The following AMBRA1 variants were observed in gnomAD, a reference collection of about 807,000 sequenced individuals.
The protein encoded by AMBRA1 is autophagy and beclin 1 regulator 1.
In AMBRA1, 47 loss-of-function variants were observed where a neutral mutation model predicts 125.4. The ratio of observed to expected loss-of-function variants is 0.37; its 90% confidence interval spans 0.30 to 0.48. The LOEUF is 0.48. Ranked by LOEUF, AMBRA1 falls within the 20% of genes least tolerant of loss-of-function variation. The pLI, the probability that AMBRA1 is intolerant of heterozygous loss-of-function variation, is 0.99. For synonymous variants in AMBRA1, 626 were observed against 655.5 expected (o/e 0.95, Z 0.69); for missense variants, 1,331 against 1,693.4 (o/e 0.79, Z 3.76).
chr11:46,528,781 G>A (rs925018852), intron 7 of AMBRA1, among the ~76,000 whole-genome samples: 3 of 152,110 alleles, frequency 2.0e-5, no homozygotes, highest in Non-Finnish European at 2.9e-5. Context: ...ACAGACACAC[G>A]TACACGAAGA....
chr11:46,509,087 C>A (rs1301336650), intron 8 of AMBRA1, among the ~76,000 whole-genome samples: 1 of 152,184 alleles, frequency 6.6e-6, no homozygotes, highest in East Asian at 1.9e-4. Context: ...CTATTTCTTA[C>A]AATCAGAGCA....
chr11:46,542,110 C>G lies in AMBRA1; in HGVS notation c.1907G>C (p.Ser636Thr), dbSNP rs144286233. 4.3e-6 allele frequency: 7 copies of G among 1,613,892 alleles called. No homozygotes were observed. In the African/African-American group the frequency reaches 6.7e-5, roughly 15 times the overall value. Residue 636 changes from serine to threonine, a missense_variant, in exon 7 of 18, where the codon AGC becomes ACC. Ser to Thr is a moderately conservative substitution (Grantham distance 58, BLOSUM62 1). Coordinates refer to ENST00000683756, the MANE Select transcript of AMBRA1 (RefSeq NM_001387011.1). This position sits in a 1 kb window ranked among gnomAD's most constrained non-coding sequence, Gnocchi z 5.9. ...CCTCTCCTCCTGCGGACTAGCAGAG[C>G]TGCTCAACTCCAGCCTGCTGGAGCT... is the stretch of plus-strand genomic sequence containing the variant. The part of the protein sequence containing the change: ...TPSSSRLELS[S>T]SASPQEERTV...
chr11:46,533,939 C>T (rs535600658), intron 7 of AMBRA1, among the ~76,000 whole-genome samples: 4 of 151,770 alleles, frequency 2.6e-5, no homozygotes, highest in South Asian at 4.2e-4. Context: ...ATTTTGCATT[C>T]GCCCTTTCCT....
chr11:46,452,129 G>A (rs1948631478), intron 11 of AMBRA1, among the ~76,000 whole-genome samples: 2 of 151,890 alleles, frequency 1.3e-5, no homozygotes, highest in Admixed American at 6.6e-5. Context: ...CAATAATGCT[G>A]TTATTAAGAA....
chr11:46,537,751 A>G (rs1020280209), intron 7 of AMBRA1, among the ~76,000 whole-genome samples: 3 of 152,212 alleles, frequency 2.0e-5, no homozygotes, highest in Non-Finnish European at 4.4e-5. Flanking sequence ...ATGCTTATCA[A>G]TACCCTCACT....
chr11:46,472,716 A>T (rs970256443), intron 11 of AMBRA1, among the ~76,000 whole-genome samples: 3 of 152,248 alleles, frequency 2.0e-5, no homozygotes, highest in African/African-American at 7.2e-5. Flanking sequence ...CTCAGAGAAC[A>T]GTAAAGTCAG....
chr11:46,456,464 T>C (rs530142008), intron 11 of AMBRA1, among the ~76,000 whole-genome samples: 4 of 152,096 alleles, frequency 2.6e-5, no homozygotes, highest in Non-Finnish European at 4.4e-5. Flanking sequence ...CATTATGCAA[T>C]GCAGCTGCTT....
At chr11:46,404,263 C>A (rs1945899178) in intron 17 of AMBRA1, among the ~76,000 whole-genome samples, 1 of 152,182 alleles carries the variant, frequency 6.6e-6, no homozygotes, top group Non-Finnish European at 1.5e-5. Flanking sequence ...CCCTTCTAGC[C>A]CAGCCCAGAA....
rs565039542 is a variant in AMBRA1, at chr11:46,521,313, G to A, written c.2073-8500C>T. 1.2e-3 allele frequency among the ~76,000 whole-genome samples: 179 copies of A among 152,386 alleles called. 1 individual carries two copies. Among genetic ancestry groups the A allele is most frequent in the African/African-American group, 4.1e-3 (172 of 41,600 alleles). Reference sequence around the variant, plus strand: ...ATAAATGCAGTGCAGTCTGGTCCCTGGGAGGCTCATTAAATCAAAAAGCCA... The same window carrying A: ...ATAAATGCAGTGCAGTCTGGTCCCTAGGAGGCTCATTAAATCAAAAAGCCA... On this transcript the variant is annotated intron_variant, in intron 7 of 17. Coordinates refer to ENST00000683756, the MANE Select transcript of AMBRA1 (RefSeq NM_001387011.1).
Position 46,544,041 on chromosome 11 carries a change from A to C in AMBRA1, c.552T>G (p.Arg184=), listed in dbSNP as rs199765942. ...GTCCAAGTGGATCAAATCTCACCAG[A>C]CTAAAATCACAGAAGAAAGAGACAA... The part of the protein sequence containing the change: ...VKTASEMERV[R]LVRFDPLGHY... Residue 184 remains arginine, a splice_region_variant and synonymous_variant, in exon 6 of 18, where the codon CGT becomes CGG. Transcript: ENST00000683756. 6 of 1,613,034 alleles carry C rather than the reference A, an allele frequency of 3.7e-6. No individual in the cohort carries two copies. In the Admixed American group the frequency reaches 6.7e-5, roughly 18 times the overall value.
In AMBRA1 at chr11:46,397,267, G is replaced by A. The variant is rs1945501240; in HGVS notation, c.*183C>T. The A allele has an allele frequency of 2.7e-6, 2 of 751,686 alleles. No individual in the cohort carries two copies. The highest frequency in any genetic ancestry group is 3.7e-6 in the Non-Finnish European group (2 of 537,620). 46.6% of individuals were successfully genotyped at this position (751,686 alleles called of 1,614,324 possible). A position where few individuals can be genotyped will look rare whatever the true frequency, so the allele number is the denominator to read the frequency against. On this transcript the variant is annotated 3_prime_UTR_variant, in exon 18 of 18. Transcript: ENST00000683756. ...TCCTGGAAGGTTCTAGTTCCCCGAG[G>A]CAGGCCTTGCCCATTTGACTGTCTT...
chr11:46,456,342 T>C (rs1038837881), intron 11 of AMBRA1, among the ~76,000 whole-genome samples: 1 of 152,158 alleles, frequency 6.6e-6, no homozygotes, highest in Admixed American at 6.6e-5. Context: ...TTACTCTACC[T>C]CCACTAATAC....
chr11:46,517,117 A>AT (rs1175821759), intron 7 of AMBRA1, among the ~76,000 whole-genome samples: 1 of 151,748 alleles, frequency 6.6e-6, no homozygotes, highest in Non-Finnish European at 1.5e-5. Context: ...TATAATATAT[A>AT]ATCATAACAC....
At chr11:46,442,730 G>C (rs956721718) in intron 12 of AMBRA1, among the ~76,000 whole-genome samples, 1 of 152,110 alleles carries the variant, frequency 6.6e-6, no homozygotes, top group African/African-American at 2.4e-5. Context: ...ACGAAAACTG[G>C]CATATCAGGA....
chr11:46,509,717 T>C (rs1298362212), intron 8 of AMBRA1, among the ~76,000 whole-genome samples: 1 of 152,148 alleles, frequency 6.6e-6, no homozygotes, highest in African/African-American at 2.4e-5. Flanking sequence ...CTAATACATA[T>C]ACTAAAATAT....
intron 12 of AMBRA1, 133 bp from the exon 13 acceptor site, chr11:46,435,170 A>C: frequency 5.1e-6 from 4 of 784,408 alleles, no homozygotes; most frequent in Non-Finnish European, 7.8e-6. Flanking sequence ...ATACCTTCTC[A>C]TTCAAACTAA....
At chr11:46,516,275 T>A (rs1951477192) in intron 7 of AMBRA1, among the ~76,000 whole-genome samples, 1 of 151,980 alleles carries the variant, frequency 6.6e-6, no homozygotes, top group African/African-American at 2.4e-5. Flanking sequence ...TGATGAAACA[T>A]CAGTTCTTCA....
chr11:46,426,273 A>G (rs575860278), intron 14 of AMBRA1, among the ~76,000 whole-genome samples: 7 of 152,064 alleles, frequency 4.6e-5, no homozygotes, highest in Non-Finnish European at 1.0e-4. Flanking sequence ...ACACACACTT[A>G]GGAAGCAAAC....
At chr11:46,592,767 AG>A (rs199819879) in intron 1 of AMBRA1, among the ~76,000 whole-genome samples, 1,709 of 151,872 alleles carry the variant, frequency 0.011, 37 homozygotes, top group African/African-American at 0.04. Flanking sequence ...AAAAAAAAAA[AG>A]AAAAAAGAGA....
Sources: allele counts gnomAD v4.1 joint callset (sites outside exome capture counted in the v4.1 genomes callset), GRCh38; gene constraint gnomAD v4.1.1; non-coding constraint Gnocchi (gnomAD v3.1); transcripts MANE v1.5; gene names NCBI Gene and HGNC (gene_info 2026-07-23, HGNC 2026-07-21).